The following DNAJB6 variants were observed in gnomAD, a reference collection of about 807,000 sequenced individuals.
DNAJB6 encodes dnaJ homolog subfamily B member 6.
In DNAJB6, 16 loss-of-function variants were observed where a neutral mutation model predicts 42.7. The observed-to-expected ratio is 0.37, with a 90% CI of 0.25 to 0.57. The LOEUF (loss-of-function observed/expected upper bound fraction) is 0.57. DNAJB6 is among the 20% of genes least tolerant of loss of function. The pLI is 0.74. For synonymous variants in DNAJB6, 170 were observed against 163.5 expected, an observed-to-expected ratio of 1.04 and a Z score of -0.30; for missense variants, 347 against 416.8, an observed-to-expected ratio of 0.83 and a Z score of 1.46.
At chr7:157,397,550 T>C (rs1206012399) in intron 8 of DNAJB6, among the ~76,000 whole-genome samples, 1 of 152,206 alleles carries the variant, frequency 6.6e-6, no homozygotes, top group Non-Finnish European at 1.5e-5. Context: ...CTCCTCATTG[T>C]CCTCAGCCTT....
chr7:157,366,584 T>C (rs377701581), intron 4 of DNAJB6, 23 bp downstream of exon 4: 24 of 1,609,876 alleles, frequency 1.5e-5, no homozygotes, highest in Non-Finnish European at 2.0e-5. Context: ...GTTTTTTCTT[T>C]GAAGACAAAA....
chr7:157,346,964 T>A (rs1487637975), intron 1 of DNAJB6, among the ~76,000 whole-genome samples: 2 of 152,242 alleles, frequency 1.3e-5, no homozygotes, highest in Non-Finnish European at 2.9e-5. Flanking sequence ...CACACCGTTC[T>A]CCTGCCTCAG....
At chr7:157,369,539 A>T in intron 5 of DNAJB6, 1 of 370,636 alleles carries the variant, frequency 2.7e-6, no homozygotes, top group South Asian at 2.0e-5. Context: ...GCTTAACATT[A>T]TGATTAAACA....
At chr7:157,370,274 C>T (rs1409008531) in intron 5 of DNAJB6, among the ~76,000 whole-genome samples, 3 of 144,484 alleles carry the variant, frequency 2.1e-5, no homozygotes, top group African/African-American at 7.8e-5. Flanking sequence ...ACCGGCCTTT[C>T]ATTAACGTTA....
intron 5 of DNAJB6, among the ~76,000 whole-genome samples, chr7:157,374,420 C>T (rs189396455): frequency 1.2e-3 from 183 of 152,144 alleles, no homozygotes; most frequent in African/African-American, 4.2e-3. Flanking sequence ...CCACCGCGCC[C>T]GGCTAATTTT....
intron 8 of DNAJB6, among the ~76,000 whole-genome samples, chr7:157,397,889 G>GC (rs1157994549): frequency 6.6e-6 from 1 of 152,244 alleles, no homozygotes; most frequent in African/African-American, 2.4e-5. Context: ...GGTGGCCCAC[G>GC]CCTGTAATCC....
intron 1 of DNAJB6, among the ~76,000 whole-genome samples, chr7:157,338,043 C>A (rs142026941): frequency 1.9e-4 from 29 of 152,262 alleles, no homozygotes; most frequent in African/African-American, 7.0e-4. Context: ...GGCTGAGCGG[C>A]GCTCTTTGTA....
chr7:157,377,890 C>T (rs1421011432), intron 5 of DNAJB6, among the ~76,000 whole-genome samples: 1 of 152,212 alleles, frequency 6.6e-6, no homozygotes, highest in Admixed American at 6.5e-5. Context: ...TCATAGCCAC[C>T]TAACACGATC....
intron 1 of DNAJB6, among the ~76,000 whole-genome samples, chr7:157,350,068 A>G (rs562319958): frequency 6.4e-4 from 98 of 152,332 alleles, no homozygotes; most frequent in Middle Eastern, 3.4e-3. Flanking sequence ...GATTACAGGC[A>G]TGAACCATTG....
Position 157,385,413 on chromosome 7 carries a change from A to G in DNAJB6, c.621-128A>G, listed in dbSNP as rs1272833196. 8 of 1,005,902 alleles carry G rather than the reference A, an allele frequency of 8.0e-6. 1 individual carries two copies. In the South Asian group the frequency reaches 8.1e-5, roughly 10 times the overall value. The allele number at this position is 1,005,902 out of a possible 1,614,324, so 62.3% of individuals were successfully genotyped here. A position where few individuals can be genotyped will look rare whatever the true frequency, so the allele number is the denominator to read the frequency against. ...TGTTGTTGACAGGTTGGCTTCAGCC[A>G]TGTTTTTACAGCCTGAAAATTACTT... On this transcript the variant is annotated intron_variant, in intron 7 of 9. Coordinates refer to ENST00000262177, the MANE Select transcript of DNAJB6 (RefSeq NM_058246.4).
At chr7:157,395,484 A>C (rs1801540313) in intron 8 of DNAJB6, among the ~76,000 whole-genome samples, 1 of 152,148 alleles carries the variant, frequency 6.6e-6, no homozygotes, top group African/African-American at 2.4e-5. Flanking sequence ...CAGGAGAGGC[A>C]GTTGGAGGTT....
At chr7:157,349,350 C>G (rs80138766) in intron 1 of DNAJB6, among the ~76,000 whole-genome samples, 1,679 of 152,264 alleles carry the variant, frequency 0.011, 30 homozygotes, top group East Asian at 0.06. Context: ...ACTAATGGGG[C>G]CAGTCTCACT....
chr7:157,401,114 C>T (rs767795646), intron 8 of DNAJB6, among the ~76,000 whole-genome samples: 62 of 152,252 alleles, frequency 4.1e-4, no homozygotes, highest in Non-Finnish European at 7.3e-4. Context: ...ACGAGCCCCT[C>T]ACCTCCTGCA....
intron 8 of DNAJB6, among the ~76,000 whole-genome samples, chr7:157,401,477 C>T (rs1026376646): frequency 2.0e-5 from 3 of 152,178 alleles, no homozygotes; most frequent in African/African-American, 7.2e-5. Context: ...TCCCAAAGTG[C>T]TGGCATTACA....
intron 1 of DNAJB6, among the ~76,000 whole-genome samples, chr7:157,351,202 C>T (rs1434451802): frequency 6.6e-6 from 1 of 152,010 alleles, no homozygotes; most frequent in Non-Finnish European, 1.5e-5. Flanking sequence ...AGCCACCATA[C>T]CTGTCCTGTC....
At chr7:157,379,805 C>CTTTTTTTT (rs57417414) in intron 5 of DNAJB6, 1 of 121,166 alleles carries the variant, frequency 8.3e-6, no homozygotes, top group Non-Finnish European at 1.7e-5. Context: ...GCAGAAATGC[C>CTTTTTTTT]TTTTTTTTTT....
intron 3 of DNAJB6, among the ~76,000 whole-genome samples, chr7:157,366,149 C>T (rs755520581): frequency 2.4e-4 from 36 of 152,118 alleles, no homozygotes; most frequent in Admixed American, 8.5e-4. Flanking sequence ...TGAGGTTTCA[C>T]CATATTGGCC....
At chr7:157,399,657 ATCTC>A (rs750339088) in intron 8 of DNAJB6, among the ~76,000 whole-genome samples, 37 of 151,914 alleles carry the variant, frequency 2.4e-4, no homozygotes, top group Non-Finnish European at 4.7e-4. Flanking sequence ...ATATCTATAT[ATCTC>A]TCTCTCTATC....
At chr7:157,358,927 C>T (rs1799441977) in intron 2 of DNAJB6, among the ~76,000 whole-genome samples, 2 of 152,208 alleles carry the variant, frequency 1.3e-5, no homozygotes, top group South Asian at 2.1e-4. Context: ...ATGGAGCTGA[C>T]TTGGCATTCT....
Sources: gnomAD v4.1 joint callset for allele counts (sites outside exome capture counted in the v4.1 genomes callset) on GRCh38, gnomAD v4.1.1 for gene constraint, MANE v1.5 for transcripts, NCBI Gene and HGNC (gene_info 2026-07-23, HGNC 2026-07-21) for gene names.